Variants in PDE7B observed in about 807,000 individuals in gnomAD.
PDE7B encodes 3',5'-cyclic-AMP phosphodiesterase 7B.
In PDE7B, 29 loss-of-function variants were observed where a neutral mutation model predicts 56.2. The observed-to-expected ratio is 0.52, with a 90% CI of 0.38 to 0.70. The LOEUF is 0.70. Among genes scored for constraint, PDE7B ranks in the 30% least tolerant of loss-of-function variants. The pLI is 0.00. For synonymous variants in PDE7B, 197 were observed against 196.9 expected (o/e 1.00, Z 0.00); for missense variants, 490 against 565.0 (o/e 0.87, Z 1.35).
intron 2 of PDE7B, among the ~76,000 whole-genome samples, chr6:136,098,317 C>A (rs1777505661): frequency 6.6e-6 from 1 of 151,944 alleles, no homozygotes; most frequent in Non-Finnish European, 1.5e-5. Context: ...AATATCTTTT[C>A]CTAATAACAT....
rs542232291 is a variant in PDE7B, at chr6:136,056,512, C to CTTTTTTTTTTTTT, written c.83-52194_83-52182dup. Among the ~76,000 whole-genome samples the CTTTTTTTTTTTTT allele has an allele frequency of 3.7e-5, 2 of 53,904 alleles. 1 individual carries two copies. The highest frequency in any genetic ancestry group is 1.9e-4 in the African/African-American group (2 of 10,456). 35.4% of individuals were successfully genotyped at this position (53,904 alleles called of 152,430 possible). ...TCTGAGCTCCTTTGCAGATAGAATCCTTTTTTTTTTTTTTTTTTTTTTTTT... is the reference window on the plus strand; with the variant it reads ...TCTGAGCTCCTTTGCAGATAGAATCCTTTTTTTTTTTTTTTTTTTTTTTTTTTTTTTTTTTTTT... On this transcript the variant is annotated intron_variant, in intron 2 of 12. Coordinates refer to ENST00000308191, the MANE Select transcript of PDE7B (RefSeq NM_018945.4).
chr6:136,110,573 T>C (rs1398626653), intron 3 of PDE7B, among the ~76,000 whole-genome samples: 1 of 152,202 alleles, frequency 6.6e-6, no homozygotes, highest in Non-Finnish European at 1.5e-5. Context: ...TAAGGGGATA[T>C]TTCTGTTTAT....
At chr6:136,134,226 A>C (rs779525538) in intron 3 of PDE7B, among the ~76,000 whole-genome samples, 1 of 152,126 alleles carries the variant, frequency 6.6e-6, no homozygotes, top group African/African-American at 2.4e-5. Flanking sequence ...GGAGAGAAGC[A>C]GTTGTAGTAC....
intron 3 of PDE7B, among the ~76,000 whole-genome samples, chr6:136,142,055 A>T (rs1425129778): frequency 6.6e-6 from 1 of 152,096 alleles, no homozygotes; most frequent in Non-Finnish European, 1.5e-5. Context: ...TTAGGGTATC[A>T]GTTTTAGATC....
chr6:135,967,967 GC>G (rs1007906081), intron 2 of PDE7B, among the ~76,000 whole-genome samples: 3 of 152,204 alleles, frequency 2.0e-5, no homozygotes, highest in South Asian at 2.1e-4. Flanking sequence ...CTCTTTGGAA[GC>G]CTTGGCAAGG....
At chr6:135,872,106 T>C (rs1436332569) in intron 1 of PDE7B, among the ~76,000 whole-genome samples, 1 of 152,208 alleles carries the variant, frequency 6.6e-6, no homozygotes, top group Non-Finnish European at 1.5e-5. Context: ...CAGTGAGTTG[T>C]CAAAAATGAT....
Position 135,935,186 on chromosome 6 carries a change from T to TATA in PDE7B, c.22-12278_22-12277insATA, listed in dbSNP as rs1774393949. ...GACAGAGAATTTTATATATATATAT[T>TATA]TATTTATATATATATATATATATAT... On this transcript the variant is annotated intron_variant, in intron 1 of 12. Coordinates refer to ENST00000308191, the MANE Select transcript of PDE7B (RefSeq NM_018945.4). 2.7e-3 allele frequency among the ~76,000 whole-genome samples: 104 copies of TATA among 38,422 alleles called. 11 individuals carry two copies. The highest frequency in any genetic ancestry group is 0.015 in the African/African-American group (102 of 6,730). 25.2% of individuals were successfully genotyped at this position (38,422 alleles called of 152,430 possible).
rs201705393 is a variant in PDE7B, at chr6:135,921,572, AT to A, written c.22-25883del. ...TATCCATCATCTGGACATTCTGAAG[AT>A]TTTTTTTTCAAGGAAAACTACTTCA... On this transcript the variant is annotated intron_variant, in intron 1 of 12. Coordinates refer to ENST00000308191, the MANE Select transcript of PDE7B (RefSeq NM_018945.4). Among the ~76,000 whole-genome samples the A allele has an allele frequency of 2.5e-3, 382 of 151,706 alleles. 3 individuals carry two copies. The highest frequency in any genetic ancestry group is 8.7e-3 in the African/African-American group (360 of 41,352).
chr6:136,192,451 G>T lies in PDE7B; in HGVS notation c.*611G>T, dbSNP rs1360272077. On this transcript the variant is annotated 3_prime_UTR_variant, in exon 13 of 13. Transcript: ENST00000308191. Reference sequence around the variant, plus strand: ...CCCAAACTTGAACAGGGGGTTCATTGTTTTGCTATTGACTTTATTATGCCA... The same window carrying T: ...CCCAAACTTGAACAGGGGGTTCATTTTTTTGCTATTGACTTTATTATGCCA... 1 of 152,280 alleles carries T rather than the reference G, an allele frequency of 6.6e-6. No individual in the cohort carries two copies. Among genetic ancestry groups the T allele is most frequent in the Non-Finnish European group, 1.5e-5 (1 of 68,012 alleles). The allele number at this position is 152,280 out of a possible 1,614,324, so 9.4% of individuals were successfully genotyped here. A position where few individuals can be genotyped will look rare whatever the true frequency, so the allele number is the denominator to read the frequency against.
chr6:135,894,184 C>T (rs1775857737), intron 1 of PDE7B, among the ~76,000 whole-genome samples: 1 of 152,090 alleles, frequency 6.6e-6, no homozygotes. Flanking sequence ...TATTTCTGTA[C>T]CAAATAGAGT....
intron 12 of PDE7B, among the ~76,000 whole-genome samples, chr6:136,190,415 T>C (rs1224492887): frequency 1.3e-5 from 2 of 152,176 alleles, no homozygotes; most frequent in Non-Finnish European, 2.9e-5. Context: ...TCTATGGCAT[T>C]CTCAAAGGCC....
intron 2 of PDE7B, among the ~76,000 whole-genome samples, chr6:135,989,928 T>C (rs1023495548): frequency 1.3e-5 from 2 of 152,114 alleles, no homozygotes; most frequent in Non-Finnish European, 2.9e-5. Context: ...GTTATAGATT[T>C]TATTAGTAGA....
chr6:136,056,051 T>C (rs993640480), intron 2 of PDE7B, among the ~76,000 whole-genome samples: 1 of 152,158 alleles, frequency 6.6e-6, no homozygotes, highest in East Asian at 1.9e-4. Flanking sequence ...GGGAGCTAGA[T>C]AATGCCAGAG....
rs565388542 is a variant in PDE7B, at chr6:136,194,179, A to G, written c.*2339A>G. On this transcript the variant is annotated 3_prime_UTR_variant, in exon 13 of 13. Transcript: ENST00000308191. ...ATATGAGGTCAAATCAAGGAAGGCA[A>G]TTGCTGGGGACAAGAAAAGTAGAGG... 12 of 152,298 alleles carry G rather than the reference A, an allele frequency of 7.9e-5. No homozygotes were observed. Among genetic ancestry groups the G allele is most frequent in the African/African-American group, 2.6e-4 (11 of 41,566 alleles). The allele number at this position is 152,298 out of a possible 1,614,324, so 9.4% of individuals were successfully genotyped here. A position where few individuals can be genotyped will look rare whatever the true frequency, so the allele number is the denominator to read the frequency against.
At chr6:136,017,198 T>A (rs1227577647) in intron 2 of PDE7B, among the ~76,000 whole-genome samples, 1 of 152,200 alleles carries the variant, frequency 6.6e-6, no homozygotes, top group Admixed American at 6.5e-5. Flanking sequence ...AGAAATTTCA[T>A]CCAAATATTA....
chr6:136,036,528 T>C (rs1776328011), intron 2 of PDE7B, among the ~76,000 whole-genome samples: 1 of 152,150 alleles, frequency 6.6e-6, no homozygotes, highest in South Asian at 2.1e-4. Context: ...TAACCATGGA[T>C]TTAGAGAAAT....
At position 135,900,390 on chromosome 6, in the gene PDE7B, T is replaced by G. The variant is rs1280136447; in HGVS notation, c.22-47074T>G. Among the ~76,000 whole-genome samples the G allele has an allele frequency of 1.1e-4, 16 of 152,158 alleles. 1 individual carries two copies. Among genetic ancestry groups the G allele is most frequent in the Non-Finnish European group, 1.5e-5 (1 of 68,020 alleles). ...TTTTACATCCTTGTCCTCAACTCTT[T>G]GTCCTTTTTAGCTACATTCCTAAAG... On this transcript the variant is annotated intron_variant, in intron 1 of 12. Coordinates refer to ENST00000308191, the MANE Select transcript of PDE7B (RefSeq NM_018945.4).
intron 1 of PDE7B, among the ~76,000 whole-genome samples, chr6:135,943,457 A>C (rs1305509448): frequency 6.6e-6 from 1 of 152,220 alleles, no homozygotes; most frequent in African/African-American, 2.4e-5. Context: ...AAGATAGTCT[A>C]TTTGGCCAAG....
At chr6:136,077,330 G>A (rs761792467) in intron 2 of PDE7B, among the ~76,000 whole-genome samples, 3 of 152,124 alleles carry the variant, frequency 2.0e-5, no homozygotes, top group Non-Finnish European at 4.4e-5. Context: ...AAGATGTGTG[G>A]TTTTTTTCAA....
Sources: allele counts gnomAD v4.1 joint callset (sites outside exome capture counted in the v4.1 genomes callset), GRCh38; gene constraint gnomAD v4.1.1; transcripts MANE v1.5; gene names NCBI Gene and HGNC (gene_info 2026-07-23, HGNC 2026-07-21).